The following RERE variants were observed in gnomAD, a reference collection of about 807,000 sequenced individuals.
RERE encodes arginine-glutamic acid dipeptide repeats protein.
In RERE, 40 loss-of-function variants were observed where a neutral mutation model predicts 146.1. That is an observed-to-expected ratio of 0.27 (90% confidence interval 0.21 to 0.36). The LOEUF (loss-of-function observed/expected upper bound fraction) is 0.36. Ranked by LOEUF, RERE falls within the 10% of genes least tolerant of loss-of-function variation. The pLI is 1.00. For missense variants in RERE, 1,933 were observed against 2,138.7 expected, an observed-to-expected ratio of 0.90 and a Z score of 1.90; for synonymous variants, 1,003 against 866.0, an observed-to-expected ratio of 1.16 and a Z score of -2.78.
intron 11 of RERE, chr1:8,425,295 G>C (rs1350936600): frequency 6.6e-6 from 1 of 152,206 alleles, no homozygotes; most frequent in Non-Finnish European, 1.5e-5. Context: ...GACCTTTACT[G>C]AACTGTGATT....
At chr1:8,717,662 G>A (rs1290236433) in intron 1 of RERE, among the ~76,000 whole-genome samples, 3 of 152,190 alleles carry the variant, frequency 2.0e-5, no homozygotes, top group Non-Finnish European at 4.4e-5. Context: ...TTAAGTTTCA[G>A]ACAGATAATT....
intron 2 of RERE, among the ~76,000 whole-genome samples, chr1:8,635,943 T>C (rs1190496480): frequency 1.7e-5 from 1 of 60,114 alleles, no homozygotes; most frequent in African/African-American, 4.8e-5. Context: ...AATTATTATT[T>C]TATTTTATCT....
At chr1:8,683,617 CA>C (rs1180082733) in intron 1 of RERE, among the ~76,000 whole-genome samples, 1 of 152,028 alleles carries the variant, frequency 6.6e-6, no homozygotes, top group Non-Finnish European at 1.5e-5. Context: ...AGATTAAAAA[CA>C]AAATATATGC....
chr1:8,551,035 G>A (rs1354420870), intron 6 of RERE, among the ~76,000 whole-genome samples: 1 of 152,162 alleles, frequency 6.6e-6, no homozygotes, highest in Non-Finnish European at 1.5e-5. Context: ...CCTTGGCCCT[G>A]GTCTTCCAGA....
At chr1:8,803,813 C>T (rs969192391) in intron 1 of RERE, among the ~76,000 whole-genome samples, 9 of 152,044 alleles carry the variant, frequency 5.9e-5, no homozygotes, top group Admixed American at 3.9e-4. Flanking sequence ...CTGCCTGCCT[C>T]AGCCCCACAA....
At chr1:8,624,911 T>C (rs1646956498) in intron 2 of RERE, among the ~76,000 whole-genome samples, 1 of 152,210 alleles carries the variant, frequency 6.6e-6, no homozygotes, top group Non-Finnish European at 1.5e-5. Flanking sequence ...AGAAAACTAA[T>C]CTCTTACAGA....
At chr1:8,658,325 AATCT>A (rs1334141328) in intron 1 of RERE, among the ~76,000 whole-genome samples, 2 of 152,230 alleles carry the variant, frequency 1.3e-5, no homozygotes, top group Admixed American at 1.3e-4. Flanking sequence ...GCAACCGATC[AATCT>A]AAGAAGCTTC....
In RERE at chr1:8,364,009, G is replaced by A. The variant is rs374768324; in HGVS notation, c.1740+47C>T. 2.4e-5 allele frequency: 37 copies of A among 1,570,380 alleles called. No homozygotes were observed. Among genetic ancestry groups the A allele is most frequent in the Non-Finnish European group, 3.2e-5 (37 of 1,142,260 alleles). On this transcript the variant is annotated intron_variant, in intron 15 of 22. Coordinates refer to ENST00000400908, the MANE Select transcript of RERE (RefSeq NM_001042681.2). The surrounding 1 kb of genome is among the most constrained non-coding windows in gnomAD (Gnocchi z 5.1). ...GAGGCTCAAGCCCCCACACATCCCA[G>A]GAAACTGAAGAAGTTGCCAGGAGCC...
intron 1 of RERE, among the ~76,000 whole-genome samples, chr1:8,765,109 T>C (rs527810015): frequency 5.9e-5 from 9 of 152,328 alleles, no homozygotes; most frequent in African/African-American, 1.9e-4. Context: ...AAAGTGTCCA[T>C]CAACTAGTGA....
At chr1:8,652,061 G>A (rs1647658914) in intron 2 of RERE, among the ~76,000 whole-genome samples, 1 of 152,158 alleles carries the variant, frequency 6.6e-6, no homozygotes, top group Non-Finnish European at 1.5e-5. Flanking sequence ...TAGAGAAAAA[G>A]CTGTTTGGAG....
intron 7 of RERE, among the ~76,000 whole-genome samples, chr1:8,530,375 AAAGGT>A (rs1479002938): frequency 1.3e-5 from 2 of 152,258 alleles, no homozygotes; most frequent in Non-Finnish European, 2.9e-5. Flanking sequence ...TACCTCTATC[AAAGGT>A]AAGTAAAAGC....
chr1:8,655,594 A>G (rs1327555601), intron 2 of RERE, among the ~76,000 whole-genome samples: 3 of 152,024 alleles, frequency 2.0e-5, no homozygotes, highest in African/African-American at 7.2e-5. Flanking sequence ...CTTAAGGTTT[A>G]CTTGTCTCCA....
At chr1:8,710,009 T>C (rs1211502265) in intron 1 of RERE, among the ~76,000 whole-genome samples, 1 of 152,220 alleles carries the variant, frequency 6.6e-6, no homozygotes, top group East Asian at 1.9e-4. Context: ...TCTCTTTCTT[T>C]CCATGACTCC....
chr1:8,810,033 T>C lies in RERE; in HGVS notation c.-145+7127A>G, dbSNP rs532374743. ...GTTGTTGTTGTTGTTTGAGACAGAG[T>C]CTTGCTCTGTCGCCCAGGCTGGAGT... On this transcript the variant is annotated intron_variant, in intron 1 of 22. Transcript: ENST00000400908. Among the ~76,000 whole-genome samples, 6 of 152,106 alleles carry C rather than the reference T, an allele frequency of 3.9e-5. No homozygotes were observed. In the South Asian group the frequency reaches 1.2e-3, roughly 32 times the overall value.
At chr1:8,566,397 G>A (rs1646152915) in intron 4 of RERE, among the ~76,000 whole-genome samples, 1 of 152,040 alleles carries the variant, frequency 6.6e-6, no homozygotes. Context: ...CAAGGCAGGT[G>A]GATCACAAGT....
intron 1 of RERE, among the ~76,000 whole-genome samples, chr1:8,742,163 C>T (rs1640322599): frequency 6.6e-6 from 1 of 152,176 alleles, no homozygotes. Flanking sequence ...TTCCATTGCA[C>T]ACCATGCTTC....
chr1:8,359,830 C>CCGCTCT lies in RERE; in HGVS notation c.3546_3551dup (p.Arg1184_Glu1185dup), dbSNP rs757311329. The CCGCTCT allele has an allele frequency of 4.4e-6, 7 of 1,608,896 alleles. No homozygotes were observed. The highest frequency in any genetic ancestry group is 2.7e-5 in the African/African-American group (2 of 74,926). On this transcript the variant is annotated inframe_insertion, in exon 19 of 23. Coordinates refer to ENST00000400908, the MANE Select transcript of RERE (RefSeq NM_001042681.2). ...CCCGCTCCTTCTCCTTCTCCTTCTCCCGCTCTCGCTCCTCTCGGGCTTTCT... is the reference window on the plus strand; with the variant it reads ...CCCGCTCCTTCTCCTTCTCCTTCTCCCGCTCTCGCTCTCGCTCCTCTCGGGCTTTCT...
chr1:8,518,763 C>A (rs1645453389), intron 7 of RERE, among the ~76,000 whole-genome samples: 1 of 152,166 alleles, frequency 6.6e-6, no homozygotes, highest in South Asian at 2.1e-4. Context: ...TTTTTAAAAT[C>A]TAACATAGTA....
chr1:8,446,529 G>T (rs1317303683), intron 11 of RERE, among the ~76,000 whole-genome samples: 1 of 152,176 alleles, frequency 6.6e-6, no homozygotes, highest in Non-Finnish European at 1.5e-5. Context: ...ATGCTGGCCT[G>T]TCTTGCTAAG....
Sources: allele counts gnomAD v4.1 joint callset (sites outside exome capture counted in the v4.1 genomes callset), GRCh38; gene constraint gnomAD v4.1.1; non-coding constraint Gnocchi (gnomAD v3.1); transcripts MANE v1.5; gene names NCBI Gene and HGNC (gene_info 2026-07-23, HGNC 2026-07-21).